Variants in STAB1 observed in about 807,000 individuals in gnomAD.
STAB1 encodes stabilin-1.
Under a neutral mutation model 332.4 loss-of-function variants are expected in STAB1, and 250 were observed. The ratio of observed to expected loss-of-function variants is 0.75; its 90% CI spans 0.68 to 0.84. The LOEUF (loss-of-function observed/expected upper bound fraction) is 0.84. STAB1 is among the 40% of genes least tolerant of loss of function. STAB1 has a pLI of 0.00. For missense variants in STAB1, 3,249 were observed against 3,489.7 expected (o/e 0.93, Z 1.74); for synonymous variants, 1,475 against 1,390.4 (o/e 1.06, Z -1.35).
At chr3:52,517,421 C>T (rs1468171119) in intron 43 of STAB1, 28 bp downstream of exon 43, 9 of 1,583,514 alleles carry the variant, frequency 5.7e-6, no homozygotes, top group Non-Finnish European at 6.9e-6. Flanking sequence ...GGACATGGGG[C>T]ATCATGCCAT....
At chr3:52,506,509 C>T (rs371472797) in intron 17 of STAB1, among the ~76,000 whole-genome samples, 183 bp from the exon 18 acceptor site, 72 of 152,342 alleles carry the variant, frequency 4.7e-4, no homozygotes, top group African/African-American at 1.5e-3. Context: ...GGTAAGGACC[C>T]GCAGCCTGGA....
intron 2 of STAB1, 154 bp downstream of exon 2, chr3:52,501,456 G>C: frequency 7.9e-7 from 1 of 1,266,714 alleles, no homozygotes; most frequent in South Asian, 1.4e-5. Flanking sequence ...CGGGGAGGAA[G>C]GGGTAAAGGC....
intron 61 of STAB1, 32 bp downstream of exon 61, chr3:52,522,720 T>G: frequency 6.2e-7 from 1 of 1,612,800 alleles, no homozygotes; most frequent in Non-Finnish European, 8.5e-7. Context: ...GGGCCAAGTG[T>G]TGGGGGAGGC....
chr3:52,501,951 G>A, intron 3 of STAB1, 55 bp from the exon 4 acceptor site: 1 of 1,601,810 alleles, frequency 6.2e-7, no homozygotes, highest in Non-Finnish European at 8.5e-7. Flanking sequence ...AGCTGCTGGG[G>A]TCAGGGTAAG....
At chr3:52,502,287 G>A in intron 5 of STAB1, 59 bp downstream of exon 5, 2 of 1,568,384 alleles carry the variant, frequency 1.3e-6, no homozygotes, top group Non-Finnish European at 8.6e-7. Context: ...CCACGCAGAT[G>A]CAGTACCTAC....
chr3:52,499,778 A>G (rs376578605), intron 1 of STAB1, among the ~76,000 whole-genome samples: 3 of 150,180 alleles, frequency 2.0e-5, no homozygotes, highest in East Asian at 3.9e-4. Flanking sequence ...GGGCGCCTGT[A>G]GTCCCAGCTA....
chr3:52,495,858 G>A (rs759418183), intron 1 of STAB1, among the ~76,000 whole-genome samples: 8 of 152,328 alleles, frequency 5.3e-5, no homozygotes, highest in Non-Finnish European at 8.8e-5. Context: ...TCCAACCCCC[G>A]AGGACTACAG....
In STAB1 at chr3:52,502,658, A is replaced by C; in HGVS notation, c.514A>C (p.Asn172His). The change falls in exon 6 of 69, where the codon AAC becomes CAC. Residue 172 changes from asparagine to histidine, a missense_variant. Physicochemically the swap from Asn to His is moderately conservative, Grantham distance 68 (BLOSUM62 1). Coordinates refer to ENST00000321725, the MANE Select transcript of STAB1 (RefSeq NM_015136.3). ...SVCSCVHGVCNHGPRGDGSCL... is the reference protein window; with the variant it reads ...SVCSCVHGVCHHGPRGDGSCL... ...GTGCAGCTGTGTGCACGGAGTGTGCAACCATGGGCCACGTGGGGATGGAAG... is the reference window on the plus strand; with the variant it reads ...GTGCAGCTGTGTGCACGGAGTGTGCCACCATGGGCCACGTGGGGATGGAAG... The C allele has an allele frequency of 6.2e-7, 1 of 1,613,744 alleles. No homozygotes were observed. Among genetic ancestry groups the C allele is most frequent in the Non-Finnish European group, 8.5e-7 (1 of 1,179,850 alleles).
Position 52,505,975 on chromosome 3 carries a change from C to T in STAB1, c.1749+39C>T, listed in dbSNP as rs186015770. The T allele has an allele frequency of 5.1e-5, 83 of 1,611,684 alleles. 1 individual carries two copies. The highest frequency in any genetic ancestry group is 1.0e-4 in the Admixed American group (6 of 59,974). ...TTCTGGGGGGCGGCCAGCTTGTACC[C>T]GGTGGGCCTGCCTGCAGGTTCTGGA... is the stretch of plus-strand genomic sequence containing the variant. On this transcript the variant is annotated intron_variant, in intron 16 of 68. Coordinates refer to ENST00000321725, the MANE Select transcript of STAB1 (RefSeq NM_015136.3).
At position 52,510,039 on chromosome 3, in the gene STAB1, C is replaced by A; in HGVS notation, c.2517C>A (p.Ser839Arg). 1 of 1,609,004 alleles carries A rather than the reference C, an allele frequency of 6.2e-7. No individual in the cohort carries two copies. Among genetic ancestry groups the A allele is most frequent in the Non-Finnish European group, 8.5e-7 (1 of 1,177,182 alleles). ...GCCACCTGCATGCCCGCTGTGTTAGCCAGGAGGGTGTTGCCAGGTGAGGAC... is the reference window on the plus strand; with the variant it reads ...GCCACCTGCATGCCCGCTGTGTTAGACAGGAGGGTGTTGCCAGGTGAGGAC... ...QHCHLHARCV[S>R]QEGVARCRCL... The change falls in exon 23 of 69, where the codon AGC becomes AGA. Residue 839 changes from serine to arginine, a missense_variant. Physicochemically the swap from Ser to Arg is moderately radical, Grantham distance 110. Transcript: ENST00000321725.
In STAB1 at chr3:52,516,736, C is replaced by A; in HGVS notation, c.4331C>A (p.Ala1444Glu). ...GGAGCCTCCACCTGCGCCTGTGCTG[C>A]GGGATACTCCGGCAATGGCATCTTC... Reference protein sequence around the residue: ...SAGASTCACAAGYSGNGIFCS... With the variant: ...SAGASTCACAEGYSGNGIFCS... The change falls in exon 41 of 69, where the codon GCG becomes GAG. Residue 1444 changes from alanine to glutamate, a missense_variant. Transcript: ENST00000321725. The A allele has an allele frequency of 1.2e-6, 2 of 1,611,308 alleles. No individual in the cohort carries two copies. Among genetic ancestry groups the A allele is most frequent in the South Asian group, 1.1e-5 (1 of 90,926 alleles).
At position 52,505,389 on chromosome 3, in the gene STAB1, C is replaced by T. The variant is rs371042844; in HGVS notation, c.1581+8C>T. On this transcript the variant is annotated splice_region_variant and intron_variant, in intron 14 of 68. Coordinates refer to ENST00000321725, the MANE Select transcript of STAB1 (RefSeq NM_015136.3). ...TTTGAAACCATCCTGGAGGTAAGCT[C>T]GGGGGAGGGGTCCTAGCCCATGTGG... 1.8e-5 allele frequency: 29 copies of T among 1,612,434 alleles called. No homozygotes were observed. Among genetic ancestry groups the T allele is most frequent in the African/African-American group, 1.1e-4 (8 of 74,882 alleles).
In STAB1 at chr3:52,503,428, C is replaced by G. The variant is rs762680307; in HGVS notation, c.779C>G (p.Pro260Arg). 4.3e-6 allele frequency: 7 copies of G among 1,613,790 alleles called. No homozygotes were observed. The East Asian group carries it at 1.3e-4, about 31-fold the overall frequency. Residue 260 changes from proline to arginine, a missense_variant, in exon 8 of 69, where the codon CCT becomes CGT. Physicochemically the swap from Pro to Arg is moderately radical, Grantham distance 103. Coordinates refer to ENST00000321725, the MANE Select transcript of STAB1 (RefSeq NM_015136.3). ...AAGGGGCAGGCTCAGTGTCACTGCC[C>G]TGAGAACTACCATGGCGATGGGATG... is the stretch of plus-strand genomic sequence containing the variant. ...SPKGQAQCHC[P>R]ENYHGDGMVC...
intron 30 of STAB1, 129 bp downstream of exon 30, chr3:52,513,370 C>T (rs1370537734): frequency 8.8e-6 from 8 of 911,076 alleles, no homozygotes; most frequent in South Asian, 1.7e-5. Flanking sequence ...TGCCCAGAGC[C>T]GGGCTCAAAG....
chr3:52,513,147 G>A lies in STAB1; in HGVS notation c.3176G>A (p.Gly1059Asp). Reference protein sequence around the residue: ...PNLVRAHFLQGALFEEELARL... With the variant: ...PNLVRAHFLQDALFEEELARL... ...CCTGTCAGGGCCCATTTTCTCCAGGGTGCCCTCTTCGAGGAGGAGCTGGCC... is the reference window on the plus strand; with the variant it reads ...CCTGTCAGGGCCCATTTTCTCCAGGATGCCCTCTTCGAGGAGGAGCTGGCC... Residue 1059 changes from glycine to aspartate, a missense_variant, in exon 30 of 69, where the codon GGT becomes GAT. Coordinates refer to ENST00000321725, the MANE Select transcript of STAB1 (RefSeq NM_015136.3). 3 of 1,572,032 alleles carry A rather than the reference G, an allele frequency of 1.9e-6. No individual in the cohort carries two copies. Among genetic ancestry groups the A allele is most frequent in the South Asian group, 1.2e-5 (1 of 85,698 alleles).
At chr3:52,496,089 C>A (rs925519136) in intron 1 of STAB1, among the ~76,000 whole-genome samples, 2 of 152,230 alleles carry the variant, frequency 1.3e-5, no homozygotes, top group Non-Finnish European at 2.9e-5. Context: ...TCGTGAGGAA[C>A]CCGAAGCCCT....
rs1708490988 is a variant in STAB1 at position 52,502,072 on chromosome 3, A to C, written c.398A>C (p.Asn133Thr). ...ACCTGCTTGGATGGCATGGACAGGA[A>C]TGGGACCTGTGTGTGCCAGGTAAGG... The part of the protein sequence containing the change: ...HGTCLDGMDR[N>T]GTCVCQENFR... The change falls in exon 4 of 69, where the codon AAT becomes ACT. Residue 133 changes from asparagine to threonine, a missense_variant. Coordinates refer to ENST00000321725, the MANE Select transcript of STAB1 (RefSeq NM_015136.3). 6.2e-7 allele frequency: 1 copy of C among 1,613,606 alleles called. No individual in the cohort carries two copies. The highest frequency in any genetic ancestry group is 8.5e-7 in the Non-Finnish European group (1 of 1,179,986).
In STAB1 at chr3:52,501,158, G is replaced by A. The variant is rs1293136852; in HGVS notation, c.79-8G>A. On this transcript the variant is annotated splice_region_variant and splice_polypyrimidine_tract_variant and intron_variant, in intron 1 of 68. Transcript: ENST00000321725. The stretch of plus-strand genomic sequence containing the variant: ...AGGCCCCTGACCACACCCTGCCTGT[G>A]GCCCCAGGTGCTGTTCAAAGGCTGT... 1 of 1,611,042 alleles carries A rather than the reference G, an allele frequency of 6.2e-7. No individual in the cohort carries two copies. The highest frequency in any genetic ancestry group is 8.5e-7 in the Non-Finnish European group (1 of 1,177,946).
chr3:52,510,992 A>T (rs548939522), intron 25 of STAB1, among the ~76,000 whole-genome samples: 4 of 152,296 alleles, frequency 2.6e-5, no homozygotes, highest in Admixed American at 2.6e-4. Flanking sequence ...CAGCCTCTGC[A>T]TGGCCAGGCC....
Sources: gnomAD v4.1 joint callset for allele counts (sites outside exome capture counted in the v4.1 genomes callset) on GRCh38, gnomAD v4.1.1 for gene constraint, MANE v1.5 for transcripts, NCBI Gene and HGNC (gene_info 2026-07-23, HGNC 2026-07-21) for gene names.